Variants in DYNC2H1 observed in about 807,000 individuals in gnomAD.
DYNC2H1 encodes dynein cytoplasmic 2 heavy chain 1.
In DYNC2H1, 410 loss-of-function variants were observed where a neutral mutation model predicts 570.0. The ratio of observed to expected loss-of-function variants is 0.72; its 90% CI spans 0.66 to 0.78. The LOEUF (loss-of-function observed/expected upper bound fraction) is 0.78. DYNC2H1 is among the 30% of genes least tolerant of loss of function. The pLI is 0.00. For missense variants in DYNC2H1, 4,865 were observed against 5,046.4 expected, an observed-to-expected ratio of 0.96 and a Z score of 1.09; for synonymous variants, 1,688 against 1,677.6, an observed-to-expected ratio of 1.01 and a Z score of -0.15.
intron 59 of DYNC2H1, among the ~76,000 whole-genome samples, chr11:103,227,729 T>C (rs532110455): frequency 2.0e-5 from 3 of 152,220 alleles, no homozygotes; most frequent in Non-Finnish European, 4.4e-5. Context: ...AAGTCCATTA[T>C]TTCTTTGTTG....
intron 83 of DYNC2H1, 71 bp from the exon 84 acceptor site, chr11:103,399,592 A>T: frequency 9.4e-7 from 1 of 1,065,280 alleles, no homozygotes. Context: ...GGTTTAAATA[A>T]GTTTCAAAGC....
intron 70 of DYNC2H1, among the ~76,000 whole-genome samples, chr11:103,278,509 T>C (rs980186756): frequency 7.2e-5 from 11 of 152,286 alleles, no homozygotes; most frequent in Admixed American, 3.9e-4. Context: ...ACCTGGCTAG[T>C]AAAATAGGAG....
In DYNC2H1 at chr11:103,245,833, T is replaced by A. The variant is rs1314424943; in HGVS notation, c.10042+459T>A. On this transcript the variant is annotated intron_variant, in intron 65 of 88. Transcript: ENST00000375735. The surrounding 1 kb of genome is among the most constrained non-coding windows in gnomAD (Gnocchi z 4.5). ...ATTGCTATGTTAATTCTTTTCTGCA[T>A]AGGAACCCAGCCCAGTCTTGGATGA... Among the ~76,000 whole-genome samples the A allele has an allele frequency of 6.6e-6, 1 of 152,062 alleles. No individual in the cohort carries two copies. Among genetic ancestry groups the A allele is most frequent in the Non-Finnish European group, 1.5e-5 (1 of 67,986 alleles).
chr11:103,414,584 G>C (rs577686351), intron 84 of DYNC2H1, among the ~76,000 whole-genome samples: 39 of 111,032 alleles, frequency 3.5e-4, no homozygotes, highest in Non-Finnish European at 1.9e-5. Context: ...TAAGAGAGAA[G>C]TCACATTGTC....
In DYNC2H1 at chr11:103,181,648, A is replaced by T; in HGVS notation, c.6348-109A>T. On this transcript the variant is annotated intron_variant, in intron 39 of 88. Coordinates refer to ENST00000375735, the MANE Select transcript of DYNC2H1 (RefSeq NM_001377.3). This position sits in a 1 kb window ranked among gnomAD's most constrained non-coding sequence, Gnocchi z 5.0. ...TAACTAAAGCCACCTTTTGTATGCT[A>T]GCAGACAAAATATGTGCGTAGAATA... The T allele has an allele frequency of 1.7e-6, 2 of 1,199,728 alleles. No individual in the cohort carries two copies. The highest frequency in any genetic ancestry group is 3.0e-5 in the South Asian group (2 of 66,258). The allele number at this position is 1,199,728 out of a possible 1,614,324, so 74.3% of individuals were successfully genotyped here.
In DYNC2H1 at chr11:103,184,365, T is replaced by C. The variant is rs374579280; in HGVS notation, c.6478-531T>C. Among the ~76,000 whole-genome samples, 27 of 152,076 alleles carry C rather than the reference T, an allele frequency of 1.8e-4. No homozygotes were observed. In the South Asian group the frequency reaches 5.0e-3, roughly 28 times the overall value. On this transcript the variant is annotated intron_variant, in intron 40 of 88. Transcript: ENST00000375735. ...TAGAAAGACTGAGAGCCATTTTTTC[T>C]TTAACTCTCTGGCACTTACCAGGGA...
chr11:103,177,833 G>GTA lies in DYNC2H1; in HGVS notation c.6139+16_6139+17dup. ...CGGGAACCTCAAGGTTAGTCTCTAT[G>GTA]TATACTTCTTTGCTTTACTTAGTAA... is the stretch of plus-strand genomic sequence containing the variant. On this transcript the variant is annotated intron_variant, in intron 38 of 88. Coordinates refer to ENST00000375735, the MANE Select transcript of DYNC2H1 (RefSeq NM_001377.3). This position sits in a 1 kb window ranked among gnomAD's most constrained non-coding sequence, Gnocchi z 4.4. The GTA allele has an allele frequency of 6.3e-7, 1 of 1,587,680 alleles. No homozygotes were observed. The highest frequency in any genetic ancestry group is 8.5e-7 in the Non-Finnish European group (1 of 1,172,502).
intron 84 of DYNC2H1, among the ~76,000 whole-genome samples, chr11:103,433,018 T>A (rs1355230702): frequency 6.6e-6 from 1 of 152,118 alleles, no homozygotes; most frequent in Non-Finnish European, 1.5e-5. Context: ...TAAACTCCAA[T>A]AACATGATAT....
rs1012075284 is a variant in DYNC2H1 at position 103,243,011 on chromosome 11, T to C, written c.9820-682T>C. Among the ~76,000 whole-genome samples, 1 of 152,082 alleles carries C rather than the reference T, an allele frequency of 6.6e-6. No individual in the cohort carries two copies. Among genetic ancestry groups the C allele is most frequent in the African/African-American group, 2.4e-5 (1 of 41,428 alleles). Reference sequence around the variant, plus strand: ...CCACACCGGGCCTGACTTCCTTTTTTTTAGAATTTAATTAGTGCAGGATGT... The same window carrying C: ...CCACACCGGGCCTGACTTCCTTTTTCTTAGAATTTAATTAGTGCAGGATGT... On this transcript the variant is annotated intron_variant, in intron 63 of 88. Transcript: ENST00000375735. The surrounding 1 kb of genome is among the most constrained non-coding windows in gnomAD (Gnocchi z 4.8).
intron 18 of DYNC2H1, among the ~76,000 whole-genome samples, chr11:103,144,889 T>A (rs1018983150): frequency 7.0e-4 from 107 of 151,830 alleles, no homozygotes; most frequent in South Asian, 1.2e-3. Flanking sequence ...ATTAGTTATT[T>A]TTTTTTTTTG....
At chr11:103,190,593 T>C (rs1296486915) in intron 45 of DYNC2H1, among the ~76,000 whole-genome samples, 6 of 152,204 alleles carry the variant, frequency 3.9e-5, no homozygotes, top group African/African-American at 1.4e-4. Flanking sequence ...GAATAGCGTG[T>C]ACAAGTTATA....
intron 53 of DYNC2H1, among the ~76,000 whole-genome samples, chr11:103,210,918 T>C (rs924955994): frequency 6.6e-6 from 1 of 152,094 alleles, no homozygotes; most frequent in African/African-American, 2.4e-5. Context: ...TATTGAGAGA[T>C]TTAAAAGGAG....
intron 75 of DYNC2H1, among the ~76,000 whole-genome samples, chr11:103,294,628 C>A (rs1866746165): frequency 6.6e-6 from 1 of 152,128 alleles, no homozygotes; most frequent in Non-Finnish European, 1.5e-5. Context: ...GCAATATGGG[C>A]TCTGCCTTGA....
chr11:103,477,494 A>C (rs548905914), intron 88 of DYNC2H1, among the ~76,000 whole-genome samples: 1 of 152,338 alleles, frequency 6.6e-6, no homozygotes, highest in East Asian at 1.9e-4. Flanking sequence ...TCTTTTAAAA[A>C]TACATGATTT....
intron 70 of DYNC2H1, among the ~76,000 whole-genome samples, chr11:103,279,475 C>T (rs1390617258): frequency 6.6e-6 from 1 of 152,024 alleles, no homozygotes; most frequent in Admixed American, 6.6e-5. Flanking sequence ...TTGTTTCTTC[C>T]TTCTTTCTTT....
chr11:103,287,746 A>T, intron 75 of DYNC2H1, 141 bp downstream of exon 75: 7 of 730,458 alleles, frequency 9.6e-6, no homozygotes, highest in Non-Finnish European at 1.5e-5. Context: ...TCCAATCTCT[A>T]CCTGTTTTAG....
intron 84 of DYNC2H1, among the ~76,000 whole-genome samples, chr11:103,422,535 A>G (rs487860): frequency 0.55 from 84,322 of 151,932 alleles, 24,037 homozygotes; most frequent in East Asian, 0.72. Context: ...TTTGTTCAAC[A>G]TATGCGAATC....
At chr11:103,382,132 G>A (rs1384913518) in intron 83 of DYNC2H1, among the ~76,000 whole-genome samples, 5 of 152,096 alleles carry the variant, frequency 3.3e-5, no homozygotes, top group African/African-American at 1.2e-4. Flanking sequence ...CCTGTTGATG[G>A]TGATAACTAT....
chr11:103,288,684 T>TTAAAAAAAAAAAA (rs1401919829), intron 75 of DYNC2H1, among the ~76,000 whole-genome samples: 9 of 27,910 alleles, frequency 3.2e-4, no homozygotes, highest in African/African-American at 1.4e-3. Context: ...CCGTCTCTAC[T>TTAAAAAAAAAAAA]AAAAAAAAAA....
Sources: allele counts gnomAD v4.1 joint callset (sites outside exome capture counted in the v4.1 genomes callset), GRCh38; gene constraint gnomAD v4.1.1; non-coding constraint Gnocchi (gnomAD v3.1); transcripts MANE v1.5; gene names NCBI Gene and HGNC (gene_info 2026-07-23, HGNC 2026-07-21).